Variants in DLG2 observed in about 807,000 individuals in gnomAD.
DLG2 encodes discs large MAGUK scaffold protein 2, also known as disks large homolog 2.
DLG2 carries 45 observed loss-of-function variants against 132.5 expected under a neutral mutation model. That is an observed-to-expected ratio of 0.34 (90% confidence interval 0.27 to 0.44). The LOEUF is 0.44. Among genes scored for constraint, DLG2 ranks in the 20% least tolerant of loss-of-function variants. The pLI is 1.00. For synonymous variants in DLG2, 424 were observed against 419.6 expected (o/e 1.01, Z -0.13); for missense variants, 1,045 against 1,196.9 (o/e 0.87, Z 1.87).
chr11:84,337,509 G>C (rs1424544206), intron 7 of DLG2, among the ~76,000 whole-genome samples: 2 of 151,502 alleles, frequency 1.3e-5, no homozygotes, highest in Non-Finnish European at 2.9e-5. Flanking sequence ...ATTTTTTTCT[G>C]CAAAAAGTAC....
chr11:85,183,652 G>A (rs2079884837), intron 4 of DLG2, among the ~76,000 whole-genome samples: 1 of 151,922 alleles, frequency 6.6e-6, no homozygotes, highest in South Asian at 2.1e-4. Flanking sequence ...GCTTGGTCCT[G>A]TTGTACCCCA....
chr11:84,022,711 T>C (rs550382592), intron 11 of DLG2, among the ~76,000 whole-genome samples: 36 of 152,146 alleles, frequency 2.4e-4, no homozygotes, highest in African/African-American at 7.7e-4. Context: ...AGTAGAAAAA[T>C]GGAGGAAGAA....
intron 21 of DLG2, among the ~76,000 whole-genome samples, chr11:83,524,245 C>T (rs1209659675): frequency 2.0e-5 from 3 of 152,174 alleles, no homozygotes; most frequent in African/African-American, 7.2e-5. Flanking sequence ...AACTTTTCCA[C>T]TGTGCCTGTG....
rs17147405 is a variant in DLG2 at position 84,552,684 on chromosome 11, G to A, written c.358-17953C>T. Reference sequence around the variant, plus strand: ...ATGCAAGGATTGAGTCTTGTTTATGGCTGTAGGACCTGTGCCAGGTATTCA... The same window carrying A: ...ATGCAAGGATTGAGTCTTGTTTATGACTGTAGGACCTGTGCCAGGTATTCA... On this transcript the variant is annotated intron_variant, in intron 6 of 27. Coordinates refer to ENST00000376104, the MANE Select transcript of DLG2 (RefSeq NM_001142699.3). Among the ~76,000 whole-genome samples the A allele has an allele frequency of 3.4e-3, 513 of 152,214 alleles. 3 individuals carry two copies. Among genetic ancestry groups the A allele is most frequent in the African/African-American group, 0.012 (495 of 41,520 alleles).
chr11:84,136,709 A>C (rs572591861), intron 9 of DLG2, among the ~76,000 whole-genome samples: 1 of 152,298 alleles, frequency 6.6e-6, no homozygotes, highest in East Asian at 1.9e-4. Context: ...CTAAAAGTTA[A>C]TTGTGCTTAT....
At chr11:84,755,680 C>A (rs1360944643) in intron 6 of DLG2, among the ~76,000 whole-genome samples, 1 of 152,232 alleles carries the variant, frequency 6.6e-6, no homozygotes, top group African/African-American at 2.4e-5. Flanking sequence ...GCCTCGGCCT[C>A]CCGAAGTGCT....
intron 3 of DLG2, among the ~76,000 whole-genome samples, chr11:85,591,737 A>G (rs1279384081): frequency 1.3e-5 from 2 of 152,166 alleles, no homozygotes; most frequent in Non-Finnish European, 2.9e-5. Flanking sequence ...GCTAGACTTC[A>G]TCTCAAAAAA....
At chr11:84,440,366 G>C (rs2154477216) in intron 7 of DLG2, among the ~76,000 whole-genome samples, 1 of 152,248 alleles carries the variant, frequency 6.6e-6, no homozygotes, top group South Asian at 2.1e-4. Context: ...CACAAACTGA[G>C]AAAGACCAGA....
chr11:83,886,210 T>C (rs11512911), intron 15 of DLG2, among the ~76,000 whole-genome samples: 122,399 of 152,010 alleles, frequency 0.81, 49,691 homozygotes, highest in African/African-American at 0.91. Context: ...ACCCATCTCA[T>C]GTGCAGAGAC....
intron 6 of DLG2, among the ~76,000 whole-genome samples, chr11:84,679,796 AAC>A (rs2099724134): frequency 6.6e-6 from 1 of 152,138 alleles, no homozygotes; most frequent in African/African-American, 2.4e-5. Context: ...TAAGTTGTAG[AAC>A]CAGGATTGGA....
At chr11:84,297,581 T>C (rs753623997) in intron 7 of DLG2, among the ~76,000 whole-genome samples, 2 of 152,190 alleles carry the variant, frequency 1.3e-5, no homozygotes, top group Non-Finnish European at 2.9e-5. Context: ...TTACAAGTAC[T>C]GCAAAATATC....
intron 6 of DLG2, among the ~76,000 whole-genome samples, chr11:84,816,024 G>C (rs1363226383): frequency 1.3e-5 from 2 of 152,048 alleles, no homozygotes; most frequent in South Asian, 4.1e-4. Context: ...CCTGTGTTTG[G>C]GGGTAAGGAC....
Position 84,354,843 on chromosome 11 carries a change from A to C in DLG2, c.520-103552T>G, listed in dbSNP as rs11233992. On this transcript the variant is annotated intron_variant, in intron 7 of 27. Transcript: ENST00000376104. The stretch of plus-strand genomic sequence containing the variant: ...GTTCATACCATTTCCAAAGAGAAGT[A>C]TTAAGGGAGTATTGAAGACCTGAAA... Among the ~76,000 whole-genome samples, 1,123 of 152,302 alleles carry C rather than the reference A, an allele frequency of 7.4e-3. 15 individuals are homozygous for C. The highest frequency in any genetic ancestry group is 0.026 in the African/African-American group (1,075 of 41,578).
chr11:85,598,776 G>C lies in DLG2; in HGVS notation c.-80C>G. 1 of 1,139,252 alleles carries C rather than the reference G, an allele frequency of 8.8e-7. No homozygotes were observed. The highest frequency in any genetic ancestry group is 1.2e-6 in the Non-Finnish European group (1 of 809,412). The allele number at this position is 1,139,252 out of a possible 1,614,324, so 70.6% of individuals were successfully genotyped here. On this transcript the variant is annotated 5_prime_UTR_variant, in exon 3 of 28. Coordinates refer to ENST00000376104, the MANE Select transcript of DLG2 (RefSeq NM_001142699.3). ...GCAGTATTCTTCCAGTAATGATAAA[G>C]CTCGGTCAGTATCTGAAAAACATGA...
At chr11:85,506,011 G>A (rs570708798) in intron 3 of DLG2, among the ~76,000 whole-genome samples, 2 of 152,276 alleles carry the variant, frequency 1.3e-5, no homozygotes, top group South Asian at 2.1e-4. Context: ...TTGCATAGAG[G>A]TGTTTATAGT....
chr11:85,241,466 C>T lies in DLG2; in HGVS notation c.186+43754G>A, dbSNP rs561547841. Among the ~76,000 whole-genome samples the T allele has an allele frequency of 6.6e-5, 10 of 151,968 alleles. No individual in the cohort carries two copies. The South Asian group carries it at 1.7e-3, about 25-fold the overall frequency. On this transcript the variant is annotated intron_variant, in intron 4 of 27. Coordinates refer to ENST00000376104, the MANE Select transcript of DLG2 (RefSeq NM_001142699.3). The stretch of plus-strand genomic sequence containing the variant: ...GATTGTTATCATTTCTGTCTCAATT[C>T]TGAATTTTAATTTTAAAATAATGCT...
chr11:84,653,215 C>A (rs1471830514), intron 6 of DLG2, among the ~76,000 whole-genome samples: 1 of 152,126 alleles, frequency 6.6e-6, no homozygotes, highest in Admixed American at 6.6e-5. Flanking sequence ...CAAGCGTGAG[C>A]CACTGCACCT....
At chr11:85,287,858 G>A (rs1387652920) in intron 3 of DLG2, among the ~76,000 whole-genome samples, 1 of 151,916 alleles carries the variant, frequency 6.6e-6, no homozygotes, top group East Asian at 1.9e-4. Flanking sequence ...AATAACGTTG[G>A]GTGAATAAAG....
At chr11:84,714,516 C>T (rs1000155308) in intron 6 of DLG2, among the ~76,000 whole-genome samples, 31 of 150,752 alleles carry the variant, frequency 2.1e-4, no homozygotes, top group African/African-American at 7.6e-4. Flanking sequence ...TGGGAGCCCA[C>T]AACCCATTTC....
Sources: gnomAD v4.1 joint callset for allele counts (sites outside exome capture counted in the v4.1 genomes callset) on GRCh38, gnomAD v4.1.1 for gene constraint, MANE v1.5 for transcripts, NCBI Gene and HGNC (gene_info 2026-07-23, HGNC 2026-07-21) for gene names.